The following USP16 variants were observed in gnomAD, a reference collection of about 807,000 sequenced individuals.
USP16 encodes ubiquitin carboxyl-terminal hydrolase 16.
Under a neutral mutation model 95.9 loss-of-function variants are expected in USP16, and 77 were observed. That is an observed-to-expected ratio of 0.80 (90% CI 0.67 to 0.97). The LOEUF (loss-of-function observed/expected upper bound fraction) is 0.97. Among genes scored for constraint, USP16 ranks in the 50% least tolerant of loss-of-function variants. The pLI is 0.00. For missense variants in USP16, 943 were observed against 959.9 expected (o/e 0.98, Z 0.23); for synonymous variants, 303 against 318.2 (o/e 0.95, Z 0.51).
At chr21:29,037,230 A>T in intron 5 of USP16, 46 bp from the exon 6 acceptor site, 3 of 1,238,824 alleles carry the variant, frequency 2.4e-6, no homozygotes, top group South Asian at 1.7e-5. Context: ...TCTGCATTCG[A>T]TATGACTGTA....
At chr21:29,027,815 A>G (rs2085015261) in intron 1 of USP16, 58 bp from the exon 2 acceptor site, 8 of 1,224,426 alleles carry the variant, frequency 6.5e-6, no homozygotes, top group South Asian at 2.5e-5. Context: ...ACTGTCTCCT[A>G]GAGAAATATA....
At chr21:29,032,524 G>T (rs1028571030) in intron 3 of USP16, among the ~76,000 whole-genome samples, 1 of 152,190 alleles carries the variant, frequency 6.6e-6, no homozygotes, top group Non-Finnish European at 1.5e-5. Context: ...GAGCCACCGT[G>T]CCCAGCCAGG....
At position 29,030,597 on chromosome 21, in the gene USP16, C is replaced by T. The variant is rs1226622321; in HGVS notation, c.64C>T (p.Pro22Ser). ...TTGTCTATTATTTGTTTTAATAGAA[C>T]CTGTGTGCAGACACATTAGAAAAGG... ...PIDDSSETLEPVCRHIRKGLE... is the reference protein window; with the variant it reads ...PIDDSSETLESVCRHIRKGLE... The change falls in exon 3 of 18, where the codon CCT becomes TCT. Residue 22 changes from proline (P) to serine (S), a missense_variant and splice_region_variant. Pro to Ser is a moderately conservative substitution (Grantham distance 74). Coordinates refer to ENST00000399976, the MANE Select transcript of USP16 (RefSeq NM_006447.3). 1.3e-6 allele frequency: 2 copies of T among 1,579,346 alleles called. No homozygotes were observed. The highest frequency in any genetic ancestry group is 8.6e-7 in the Non-Finnish European group (1 of 1,166,152).
intron 3 of USP16, among the ~76,000 whole-genome samples, chr21:29,032,822 GT>G (rs11299304): frequency 0.012 from 1,896 of 152,268 alleles, 53 homozygotes; most frequent in African/African-American, 0.043. Context: ...TTAATGTTTA[GT>G]TTTTTAAGAA....
intron 16 of USP16, 46 bp from the exon 17 acceptor site, chr21:29,053,756 G>A: frequency 6.3e-7 from 1 of 1,587,392 alleles, no homozygotes; most frequent in Non-Finnish European, 8.6e-7. Flanking sequence ...TGACATCTGT[G>A]TAAATGGAAC....
chr21:29,038,970 A>G, intron 7 of USP16, 56 bp from the exon 8 acceptor site: 1 of 1,427,064 alleles, frequency 7.0e-7, no homozygotes, highest in East Asian at 2.6e-5. Context: ...AGATTTTAGT[A>G]AAGTCAGTGA....
At chr21:29,029,210 G>C (rs960785426) in intron 2 of USP16, among the ~76,000 whole-genome samples, 7 of 152,198 alleles carry the variant, frequency 4.6e-5, no homozygotes, top group African/African-American at 1.7e-4. Context: ...TCAGGAGATC[G>C]AGACCATCCT....
chr21:29,039,072 C>A lies in USP16; in HGVS notation c.779C>A (p.Ala260Asp). Residue 260 changes from alanine (A) to aspartate (D), a missense_variant, in exon 8 of 18, where the codon GCC becomes GAC. Physicochemically the swap from Ala to Asp is moderately radical, Grantham distance 126 (BLOSUM62 -2). Coordinates refer to ENST00000399976, the MANE Select transcript of USP16 (RefSeq NM_006447.3). ...NLEPPGPLTL[A>D]MSQFLNEMQE... ...GAGCCTCCAGGCCCTCTTACTTTAG[C>A]CATGAGCCAGTTTCTTAATGAGATG... The A allele has an allele frequency of 1.3e-6, 2 of 1,589,650 alleles. No individual in the cohort carries two copies. The highest frequency in any genetic ancestry group is 1.7e-6 in the Non-Finnish European group (2 of 1,166,274).
intron 9 of USP16, among the ~76,000 whole-genome samples, 169 bp from the exon 10 acceptor site, chr21:29,040,440 C>T (rs1311577916): frequency 6.6e-6 from 1 of 152,116 alleles, no homozygotes; most frequent in Admixed American, 6.6e-5. Flanking sequence ...TGCTTTGTGA[C>T]ATAATTCCTT....
intron 14 of USP16, 101 bp from the exon 15 acceptor site, chr21:29,048,660 G>T: frequency 1.1e-6 from 1 of 912,824 alleles, no homozygotes; most frequent in South Asian, 1.7e-5. Context: ...AAAGTTTACT[G>T]ATCCTTGCTT....
chr21:29,031,064 G>C (rs1012155528), intron 3 of USP16, among the ~76,000 whole-genome samples: 1 of 152,210 alleles, frequency 6.6e-6, no homozygotes, highest in African/African-American at 2.4e-5. Context: ...GAGGCAAGGA[G>C]CTAGACCTTT....
At chr21:29,048,672 A>T in intron 14 of USP16, 89 bp from the exon 15 acceptor site, 1 of 1,003,628 alleles carries the variant, frequency 1.0e-6, no homozygotes, top group Non-Finnish European at 1.5e-6. Context: ...TCCTTGCTTT[A>T]GATGTTTGGA....
In USP16 at chr21:29,047,125, G is replaced by A. The variant is rs779333792; in HGVS notation, c.1815G>A (p.Val605=). 3.1e-6 allele frequency: 5 copies of A among 1,614,122 alleles called. No homozygotes were observed. In the South Asian group the frequency reaches 3.3e-5, roughly 11 times the overall value. ...ATAGTCATACTCCTGGAACAAAGGT[G>A]TATGAGGTTGTAAATGAAGATCCAG... ...LNDSHTPGTK[V]YEVVNEDPET... is the part of the protein sequence containing the mutation. The change falls in exon 14 of 18, where the codon GTG becomes GTA. Residue 605 remains valine, a synonymous_variant. Coordinates refer to ENST00000399976, the MANE Select transcript of USP16 (RefSeq NM_006447.3).
At chr21:29,032,045 C>G (rs1212302122) in intron 3 of USP16, among the ~76,000 whole-genome samples, 1 of 151,824 alleles carries the variant, frequency 6.6e-6, no homozygotes, top group African/African-American at 2.4e-5. Context: ...AGTCACGATA[C>G]TAAATAGTTG....
intron 9 of USP16, among the ~76,000 whole-genome samples, chr21:29,040,013 A>G (rs1339108386): frequency 3.3e-5 from 5 of 152,230 alleles, no homozygotes; most frequent in Admixed American, 2.6e-4. Flanking sequence ...TTGCCAGGAT[A>G]TAAAAAAATG....
In USP16 at chr21:29,037,315, A is replaced by T. The variant is rs1389258902; in HGVS notation, c.488A>T (p.Lys163Ile). 2 of 1,566,088 alleles carry T rather than the reference A, an allele frequency of 1.3e-6. No homozygotes were observed. The highest frequency in any genetic ancestry group is 1.7e-6 in the Non-Finnish European group (2 of 1,155,776). The part of the protein sequence containing the change: ...DNGNIELENK[K>I]LEKESKNEQE... ...GGAAATATTGAACTTGAAAATAAAAAATTAGAAAAAGAGAGTAAGAATGAA... is the reference window on the plus strand; with the variant it reads ...GGAAATATTGAACTTGAAAATAAAATATTAGAAAAAGAGAGTAAGAATGAA... Residue 163 changes from lysine to isoleucine, a missense_variant, in exon 6 of 18, where the codon AAA becomes ATA. Coordinates refer to ENST00000399976, the MANE Select transcript of USP16 (RefSeq NM_006447.3).
chr21:29,047,160 T>C lies in USP16; in HGVS notation c.1850T>C (p.Phe617Ser), dbSNP rs780220734. ...GTAAATGAAGATCCAGAAACTGCTT[T>C]CTGTACTCTTGCAAACAGGGAAGTT... ...EVVNEDPETA[F>S]CTLANREVFN... is the part of the protein sequence containing the mutation. Residue 617 changes from phenylalanine to serine, a missense_variant, in exon 14 of 18, where the codon TTC (phenylalanine) becomes TCC (serine). Transcript: ENST00000399976. 2 of 1,614,062 alleles carry C rather than the reference T, an allele frequency of 1.2e-6. No individual in the cohort carries two copies. Among genetic ancestry groups the C allele is most frequent in the African/African-American group, 1.3e-5 (1 of 74,940 alleles).
chr21:29,049,442 C>T (rs769022247), intron 15 of USP16, among the ~76,000 whole-genome samples: 5 of 152,150 alleles, frequency 3.3e-5, no homozygotes, highest in African/African-American at 1.2e-4. Flanking sequence ...AGGCTGAGAG[C>T]GTGTGTTTCA....
In USP16 at chr21:29,037,358, G is replaced by T. The variant is rs1355631455; in HGVS notation, c.531G>T (p.Lys177Asn). The part of the protein sequence containing the change: ...ESKNEQEREK[K>N]ENMAKENPPM... ...AGAATGAACAAGAGAGAGAAAAGAA[G>T]GAAAACATGGCTAAAGAGAATCCTC... is the stretch of plus-strand genomic sequence containing the variant. The change falls in exon 6 of 18, where the codon AAG becomes AAT. Residue 177 changes from lysine (K) to asparagine (N), a missense_variant. Coordinates refer to ENST00000399976, the MANE Select transcript of USP16 (RefSeq NM_006447.3). 3 of 1,607,140 alleles carry T rather than the reference G, an allele frequency of 1.9e-6. No homozygotes were observed. The African/African-American group carries it at 4.0e-5, about 22-fold the overall frequency.
Sources: gnomAD v4.1 joint callset for allele counts (sites outside exome capture counted in the v4.1 genomes callset) on GRCh38, gnomAD v4.1.1 for gene constraint, MANE v1.5 for transcripts, NCBI Gene and HGNC (gene_info 2026-07-23, HGNC 2026-07-21) for gene names.